Variants in SEMA3A observed in about 807,000 individuals in gnomAD.
SEMA3A encodes the protein semaphorin-3A.
In SEMA3A, 29 loss-of-function variants were observed where a neutral mutation model predicts 97.9. The observed-to-expected ratio is 0.30, with a 90% CI of 0.22 to 0.40. The LOEUF is 0.40. Among genes scored for constraint, SEMA3A ranks in the 10% least tolerant of loss-of-function variants. The pLI, the probability that SEMA3A is intolerant of heterozygous loss-of-function variation, is 1.00. For synonymous variants in SEMA3A, 321 were observed against 323.7 expected, an observed-to-expected ratio of 0.99 and a Z score of 0.09; for missense variants, 763 against 951.3, an observed-to-expected ratio of 0.80 and a Z score of 2.60.
intron 1 of SEMA3A, among the ~76,000 whole-genome samples, chr7:84,478,568 T>A (rs1021236237): frequency 6.6e-6 from 1 of 152,092 alleles, no homozygotes; most frequent in Admixed American, 6.5e-5. Flanking sequence ...TTATTTTATA[T>A]GGTCTTTGTG....
At chr7:84,265,827 G>C (rs1266036488) in intron 3 of SEMA3A, among the ~76,000 whole-genome samples, 2 of 151,928 alleles carry the variant, frequency 1.3e-5, no homozygotes, top group African/African-American at 4.8e-5. Context: ...GTTTTGCTTA[G>C]ATGACGCCAA....
intron 2 of SEMA3A, among the ~76,000 whole-genome samples, chr7:84,314,471 G>A: frequency 6.6e-6 from 1 of 152,202 alleles, no homozygotes; most frequent in Middle Eastern, 3.4e-3. Context: ...TCATTGTTCT[G>A]CTCTTGCTCT....
intron 1 of SEMA3A, among the ~76,000 whole-genome samples, chr7:84,137,416 A>G (rs1796170756): frequency 6.6e-6 from 1 of 151,444 alleles, no homozygotes; most frequent in Non-Finnish European, 1.5e-5. Flanking sequence ...AAAAAAAAAA[A>G]AGAAATGGCA....
intron 2 of SEMA3A, among the ~76,000 whole-genome samples, chr7:84,320,136 A>AATGTGTGGGT (rs1485961487): frequency 6.6e-6 from 1 of 152,104 alleles, no homozygotes; most frequent in East Asian, 1.9e-4. Flanking sequence ...TAATGGAAGC[A>AATGTGTGGGT]CTGATTCCCT....
intron 12 of SEMA3A, among the ~76,000 whole-genome samples, chr7:83,988,924 C>A (rs1450269160): frequency 2.8e-5 from 4 of 144,764 alleles, no homozygotes; most frequent in Admixed American, 7.0e-5. Context: ...GTGGTGCGAT[C>A]TCGGCTCACT....
chr7:84,439,430 A>T (rs1418383270), intron 1 of SEMA3A, among the ~76,000 whole-genome samples: 2 of 152,188 alleles, frequency 1.3e-5, no homozygotes, highest in Non-Finnish European at 2.9e-5. Flanking sequence ...GTTATTTTAG[A>T]TTACTGACTG....
chr7:84,424,630 T>C (rs1448898715), intron 1 of SEMA3A, among the ~76,000 whole-genome samples: 3 of 93,310 alleles, frequency 3.2e-5, no homozygotes, highest in Admixed American at 1.9e-4. Flanking sequence ...ATATAATATA[T>C]ATACAATATA....
chr7:84,277,059 C>T (rs1487317231), intron 3 of SEMA3A, among the ~76,000 whole-genome samples: 1 of 152,032 alleles, frequency 6.6e-6, no homozygotes, highest in Non-Finnish European at 1.5e-5. Context: ...TTTCATTTCC[C>T]TCTATATCAA....
intron 2 of SEMA3A, among the ~76,000 whole-genome samples, chr7:84,129,926 G>A (rs1198418576): frequency 2.0e-5 from 3 of 151,942 alleles, no homozygotes; most frequent in African/African-American, 7.2e-5. Context: ...CCCATATTGT[G>A]TGAATACAGT....
At chr7:84,400,403 G>T (rs1188093672) in intron 1 of SEMA3A, among the ~76,000 whole-genome samples, 1 of 151,976 alleles carries the variant, frequency 6.6e-6, no homozygotes, top group East Asian at 1.9e-4. Context: ...CAGATGGAAG[G>T]AATCCATAAA....
chr7:84,106,472 G>C (rs867989786), intron 4 of SEMA3A, among the ~76,000 whole-genome samples: 1 of 152,070 alleles, frequency 6.6e-6, no homozygotes, highest in African/African-American at 2.4e-5. Flanking sequence ...TTGCACAACA[G>C]TAAAATAGCC....
chr7:84,410,642 C>A (rs1276617890), intron 1 of SEMA3A, among the ~76,000 whole-genome samples: 2 of 152,086 alleles, frequency 1.3e-5, no homozygotes, highest in African/African-American at 4.8e-5. Context: ...CAAAGAGTTC[C>A]TTTCCCAGTG....
chr7:84,341,248 C>T (rs999357609), intron 2 of SEMA3A, among the ~76,000 whole-genome samples: 5 of 152,100 alleles, frequency 3.3e-5, no homozygotes, highest in Admixed American at 1.3e-4. Flanking sequence ...GAGAGTGTAT[C>T]CAACTAAGAA....
At chr7:84,117,824 C>G (rs912936822) in intron 3 of SEMA3A, among the ~76,000 whole-genome samples, 1 of 152,114 alleles carries the variant, frequency 6.6e-6, no homozygotes, top group Non-Finnish European at 1.5e-5. Context: ...TGCTGTGTGA[C>G]TATAAGAAAG....
intron 15 of SEMA3A, among the ~76,000 whole-genome samples, chr7:83,966,869 G>A (rs1460903563): frequency 1.3e-5 from 2 of 151,894 alleles, no homozygotes; most frequent in Non-Finnish European, 2.9e-5. Flanking sequence ...GCGCCACCAC[G>A]CCCAGCTAAT....
intron 4 of SEMA3A, among the ~76,000 whole-genome samples, chr7:84,107,125 T>A (rs2115925746): frequency 6.6e-6 from 1 of 152,308 alleles, no homozygotes; most frequent in South Asian, 2.1e-4. Context: ...AAGCCAATAA[T>A]CCTGGCCTCT....
At chr7:84,476,570 C>A (rs1806287290) in intron 1 of SEMA3A, among the ~76,000 whole-genome samples, 2 of 151,696 alleles carry the variant, frequency 1.3e-5, no homozygotes, top group African/African-American at 4.8e-5. Context: ...CATTCAAGTG[C>A]CTAAAAGTAT....
upstream of SEMA3A, among the ~76,000 whole-genome samples, chr7:84,199,830 T>C (rs982438347): frequency 6.6e-6 from 1 of 152,160 alleles, no homozygotes; most frequent in African/African-American, 2.4e-5. Flanking sequence ...TTATTCATTC[T>C]AGCCAAAAAT....
At position 84,376,476 on chromosome 7, in the gene SEMA3A, C is replaced by T. The variant is rs368852084; in HGVS notation, c.-245-4576G>A. Reference sequence around the variant, plus strand: ...AAAATTAGCCGGGCGTGGTGGCGGGCGCCTGTAGTCCCAGCTACTTGGGAG... The same window carrying T: ...AAAATTAGCCGGGCGTGGTGGCGGGTGCCTGTAGTCCCAGCTACTTGGGAG... On this transcript the variant is annotated intron_variant, in intron 1 of 3. Transcript: ENST00000424555. Among the ~76,000 whole-genome samples, 5 of 141,856 alleles carry T rather than the reference C, an allele frequency of 3.5e-5. 1 individual carries two copies. The East Asian group carries it at 7.0e-4, about 20-fold the overall frequency. 93.1% of individuals were successfully genotyped at this position (141,856 alleles called of 152,430 possible).
Sources: gnomAD v4.1 joint callset for allele counts (sites outside exome capture counted in the v4.1 genomes callset) on GRCh38, gnomAD v4.1.1 for gene constraint, MANE v1.5 for transcripts, NCBI Gene and HGNC (gene_info 2026-07-23, HGNC 2026-07-21) for gene names.